The following MYOM2 variants were observed in gnomAD, a reference collection of about 807,000 sequenced individuals.
MYOM2 encodes the protein myomesin-2.
In MYOM2, 254 loss-of-function variants were observed where a neutral mutation model predicts 187.6. The ratio of observed to expected loss-of-function variants is 1.35; its 90% CI spans 1.22 to 1.50. The LOEUF (loss-of-function observed/expected upper bound fraction) is 1.50, where lower values mean the gene tolerates loss of function less well. Among genes scored for constraint, MYOM2 ranks in the 40% most tolerant of loss-of-function variants. The pLI, the probability that MYOM2 is intolerant of heterozygous loss-of-function variation, is 0.00. For missense variants in MYOM2, 2,796 were observed against 1,924.0 expected (o/e 1.45, Z -8.48); for synonymous variants, 981 against 753.8 (o/e 1.30, Z -4.94).
chr8:2,126,400 C>A (rs1797635926), intron 31 of MYOM2, among the ~76,000 whole-genome samples: 1 of 151,154 alleles, frequency 6.6e-6, no homozygotes, highest in South Asian at 2.1e-4. Flanking sequence ...ACAGCAGTCA[C>A]ACACACACGA....
At chr8:2,073,285 T>C in intron 9 of MYOM2, 54 bp from the exon 10 acceptor site, 1 of 1,564,742 alleles carries the variant, frequency 6.4e-7, no homozygotes, top group Non-Finnish European at 8.7e-7. Context: ...CGAGGCTTTC[T>C]TTGCCTGCTG....
intron 3 of MYOM2, among the ~76,000 whole-genome samples, chr8:2,055,623 G>A (rs950632815): frequency 6.6e-6 from 1 of 152,190 alleles, no homozygotes; most frequent in African/African-American, 2.4e-5. Flanking sequence ...TCTGTACGAA[G>A]AGGCTGCAGA....
intron 12 of MYOM2, among the ~76,000 whole-genome samples, chr8:2,079,317 G>T (rs1191775684): frequency 3.3e-5 from 5 of 151,930 alleles, no homozygotes; most frequent in African/African-American, 4.8e-5. Context: ...TGGGCCCTTC[G>T]TTATGGTTGT....
At chr8:2,076,406 A>G (rs534321646) in intron 11 of MYOM2, 124 bp downstream of exon 11, 64 of 1,257,634 alleles carry the variant, frequency 5.1e-5, no homozygotes, top group Middle Eastern at 5.6e-4. Flanking sequence ...CTCTAGGTAC[A>G]TGGCTAATTG....
chr8:2,140,496 T>C (rs909476758), intron 32 of MYOM2, among the ~76,000 whole-genome samples: 2 of 152,226 alleles, frequency 1.3e-5, no homozygotes, highest in Admixed American at 1.3e-4. Flanking sequence ...AAGTATATAT[T>C]ACATAATAAT....
chr8:2,108,661 T>G, intron 23 of MYOM2, 125 bp from the exon 24 acceptor site: 2 of 905,524 alleles, frequency 2.2e-6, no homozygotes, highest in Non-Finnish European at 3.6e-6. Flanking sequence ...TAGTTTAAAT[T>G]CCTTTCGTGT....
chr8:2,056,960 A>C (rs1429712345), intron 3 of MYOM2, among the ~76,000 whole-genome samples: 5 of 152,212 alleles, frequency 3.3e-5, no homozygotes, highest in Non-Finnish European at 7.3e-5. Flanking sequence ...TAAGAGCCTC[A>C]GATTAAGTTC....
intron 23 of MYOM2, among the ~76,000 whole-genome samples, chr8:2,108,226 A>C (rs890616732): frequency 2.0e-5 from 3 of 152,142 alleles, no homozygotes; most frequent in African/African-American, 7.2e-5. Flanking sequence ...AGACTTTCTC[A>C]GGAATGCAAA....
At chr8:2,086,584 C>T (rs77870125) in intron 14 of MYOM2, among the ~76,000 whole-genome samples, 1,718 of 149,380 alleles carry the variant, frequency 0.012, 51 homozygotes, top group African/African-American at 0.037. Context: ...GGTCCAGACC[C>T]TGCACCGTTG....
In MYOM2 at chr8:2,057,408, G is replaced by A. The variant is rs148945598; in HGVS notation, c.324G>A (p.Leu108=). The A allele has an allele frequency of 1.0e-4, 164 of 1,613,982 alleles. 1 individual carries two copies. In the African/African-American group the frequency reaches 1.9e-3, roughly 19 times the overall value. The change falls in exon 4 of 37, where the codon CTG becomes CTA. Residue 108 remains leucine, a synonymous_variant. Coordinates refer to ENST00000262113, the MANE Select transcript of MYOM2 (RefSeq NM_003970.4). ...AGCGACAGCGCTTCCTCAGCGAGCT[G>A]GCCCACTTGGAGGAGGATGTCCACC... ...EAKRQRFLSE[L]AHLEEDVHLA...
At chr8:2,093,261 A>G (rs1030409312) in intron 16 of MYOM2, among the ~76,000 whole-genome samples, 1 of 152,268 alleles carries the variant, frequency 6.6e-6, no homozygotes, top group Admixed American at 6.5e-5. Flanking sequence ...TGTTCTTCAC[A>G]GCCCACAGCA....
intron 3 of MYOM2, among the ~76,000 whole-genome samples, chr8:2,053,009 C>G (rs1427762122): frequency 1.3e-5 from 2 of 152,162 alleles, no homozygotes; most frequent in Non-Finnish European, 2.9e-5. Flanking sequence ...TGGCTTTGAT[C>G]TTTTAAGGAC....
chr8:2,102,518 C>T lies in MYOM2; in HGVS notation c.2620-149C>T, dbSNP rs548949553. The T allele has an allele frequency of 1.1e-5, 6 of 554,864 alleles. No homozygotes were observed. The South Asian group carries it at 1.7e-4, about 15-fold the overall frequency. 34.4% of individuals were successfully genotyped at this position (554,864 alleles called of 1,614,324 possible). A position where few individuals can be genotyped will look rare whatever the true frequency, so the allele number is the denominator to read the frequency against. On this transcript the variant is annotated intron_variant, in intron 20 of 36. Coordinates refer to ENST00000262113, the MANE Select transcript of MYOM2 (RefSeq NM_003970.4). ...TCTGCACCACTGTGAATCTCCTCTT[C>T]CCTCCTTTTCTAACTCATTAAGTAT...
chr8:2,136,129 T>C (rs1798061129), intron 32 of MYOM2, among the ~76,000 whole-genome samples: 1 of 152,198 alleles, frequency 6.6e-6, no homozygotes, highest in Admixed American at 6.5e-5. Context: ...GAAGTGTGTG[T>C]GATGCAAGAG....
At position 2,108,805 on chromosome 8, in the gene MYOM2, A is replaced by T. The variant is rs369175185; in HGVS notation, c.3018A>T (p.Ala1006=). The part of the protein sequence containing the change: ...LDPEELERLM[A]LSNEIKNPTI... The stretch of plus-strand genomic sequence containing the variant: ...TTTTAGAGCTCGAGCGTTTGATGGC[A>T]TTGAGCAATGAAATAAAGAACCCCA... Residue 1006 remains alanine, a synonymous_variant, in exon 24 of 37, where the codon GCA becomes GCT. Transcript: ENST00000262113. 6.2e-6 allele frequency: 10 copies of T among 1,613,792 alleles called. No homozygotes were observed. Among genetic ancestry groups the T allele is most frequent in the South Asian group, 3.3e-5 (3 of 91,006 alleles).
chr8:2,129,636 A>G (rs1797782466), intron 32 of MYOM2, among the ~76,000 whole-genome samples: 1 of 152,178 alleles, frequency 6.6e-6, no homozygotes, highest in Non-Finnish European at 1.5e-5. Context: ...AACAAGCCCA[A>G]TCATTAAAAT....
At chr8:2,132,694 C>T (rs1228073448) in intron 32 of MYOM2, among the ~76,000 whole-genome samples, 2 of 152,158 alleles carry the variant, frequency 1.3e-5, no homozygotes, top group African/African-American at 4.8e-5. Context: ...TCAAGGAATC[C>T]TCTTGCCTTG....
At chr8:2,048,802 T>A (rs967103550) in intron 1 of MYOM2, among the ~76,000 whole-genome samples, 6 of 151,492 alleles carry the variant, frequency 4.0e-5, no homozygotes, top group Admixed American at 6.6e-5. Flanking sequence ...TTTTATTTTT[T>A]TTTTTGAGAT....
Position 2,144,886 on chromosome 8 carries a change from G to A in MYOM2, c.4303G>A (p.Val1435Met), listed in dbSNP as rs777828427. The A allele has an allele frequency of 8.7e-6, 14 of 1,614,022 alleles. No homozygotes were observed. Among genetic ancestry groups the A allele is most frequent in the African/African-American group, 2.7e-5 (2 of 74,912 alleles). Residue 1435 changes from valine (V) to methionine (M), a missense_variant, in exon 37 of 37, where the codon GTG becomes ATG. Transcript: ENST00000262113. ...GGEKIDVTVSVYKHGEKIPDM... is the reference protein window; with the variant it reads ...GGEKIDVTVSMYKHGEKIPDM... ...GGAGAAGATCGACGTGACAGTGAGC[G>A]TGTACAAACACGGGGAGAAGATCCC...
Sources: gnomAD v4.1 joint callset for allele counts (sites outside exome capture counted in the v4.1 genomes callset) on GRCh38, gnomAD v4.1.1 for gene constraint, MANE v1.5 for transcripts, NCBI Gene and HGNC (gene_info 2026-07-23, HGNC 2026-07-21) for gene names.